PDE10A: variants seen among roughly 807,000 people sequenced by gnomAD.
The protein encoded by PDE10A is cAMP and cAMP-inhibited cGMP 3',5'-cyclic phosphodiesterase 10A.
In PDE10A, 39 loss-of-function variants were observed where a neutral mutation model predicts 97.7. The ratio of observed to expected loss-of-function variants is 0.40; its 90% confidence interval spans 0.31 to 0.52. PDE10A has a LOEUF of 0.52. PDE10A is among the 20% of genes least tolerant of loss of function. The probability of loss-of-function intolerance (pLI) is 0.56; values close to 1 mark genes in which losing one functional copy is unlikely to be tolerated. For synonymous variants in PDE10A, 371 were observed against 376.8 expected, an observed-to-expected ratio of 0.98 and a Z score of 0.18; for missense variants, 731 against 1,047.8, an observed-to-expected ratio of 0.70 and a Z score of 4.17.
At chr6:165,516,016 T>TA (rs904563887) in intron 2 of PDE10A, among the ~76,000 whole-genome samples, 1 of 152,116 alleles carries the variant, frequency 6.6e-6, no homozygotes, top group African/African-American at 2.4e-5. Context: ...AAATAAGAAA[T>TA]AAAAAATCTG....
At chr6:165,497,950 A>T (rs1780636033) in intron 2 of PDE10A, among the ~76,000 whole-genome samples, 1 of 152,204 alleles carries the variant, frequency 6.6e-6, no homozygotes, top group South Asian at 2.1e-4. Context: ...CATAGTTTAA[A>T]ATGGCTATTT....
intron 1 of PDE10A, among the ~76,000 whole-genome samples, chr6:165,967,513 T>C (rs1784547500): frequency 6.6e-6 from 1 of 152,176 alleles, no homozygotes; most frequent in Admixed American, 6.5e-5. Context: ...AAAAAATTTG[T>C]TTAACTGTCA....
chr6:165,466,819 A>G (rs1367502939), intron 3 of PDE10A, among the ~76,000 whole-genome samples: 1 of 152,174 alleles, frequency 6.6e-6, no homozygotes, highest in African/African-American at 2.4e-5. Context: ...AAAGAGTCAC[A>G]TGTGTTTCAC....
Position 165,663,111 on chromosome 6 carries a change from G to A in PDE10A, c.-300C>T, listed in dbSNP as rs1000630169. 6.6e-6 allele frequency among the ~76,000 whole-genome samples: 1 copy of A among 151,778 alleles called. No homozygotes were observed. The highest frequency in any genetic ancestry group is 2.4e-5 in the African/African-American group (1 of 41,382). On this transcript the variant is annotated 5_prime_UTR_variant, in exon 1 of 22. Coordinates refer to ENST00000539869, the MANE Select transcript of PDE10A (RefSeq NM_001385079.1). ...GCTAGGGACGGCGGAGACCCTCCCT[G>A]CAGGCGTGGCGTGGTGTGTGCGCGC...
chr6:165,482,181 G>A (rs1226602621), intron 3 of PDE10A, 134 bp downstream of exon 3: 7 of 727,488 alleles, frequency 9.6e-6, no homozygotes, highest in Non-Finnish European at 1.8e-5. Flanking sequence ...ATATTAATGA[G>A]TGATACTTTG....
At chr6:165,947,165 G>A (rs1384071259) in intron 1 of PDE10A, 2 of 152,090 alleles carry the variant, frequency 1.3e-5, no homozygotes, top group African/African-American at 4.8e-5. Context: ...GCGTGTCTGG[G>A]TATTTCCTCA....
chr6:165,872,964 C>G (rs1317617369), intron 1 of PDE10A, among the ~76,000 whole-genome samples: 1 of 152,198 alleles, frequency 6.6e-6, no homozygotes. Flanking sequence ...GGCTTCAGCT[C>G]TGAAGCAGAA....
chr6:165,737,000 G>A (rs551429957), intron 1 of PDE10A, among the ~76,000 whole-genome samples: 111 of 152,222 alleles, frequency 7.3e-4, no homozygotes, highest in Non-Finnish European at 1.3e-3. Context: ...ACAAAGGATC[G>A]TAAAAACTAC....
intron 1 of PDE10A, among the ~76,000 whole-genome samples, chr6:165,570,305 A>T (rs1219715740): frequency 6.6e-6 from 1 of 152,186 alleles, no homozygotes. Flanking sequence ...AAAACCATCA[A>T]TCTGATCTGA....
At chr6:165,541,216 C>T (rs538952547) in intron 2 of PDE10A, among the ~76,000 whole-genome samples, 1 of 152,114 alleles carries the variant, frequency 6.6e-6, no homozygotes, top group Non-Finnish European at 1.5e-5. Context: ...TATGTCTATT[C>T]CCACAACTAG....
intron 1 of PDE10A, among the ~76,000 whole-genome samples, chr6:165,654,547 T>A (rs965975000): frequency 6.9e-6 from 1 of 143,900 alleles, no homozygotes; most frequent in Non-Finnish European, 1.5e-5. Flanking sequence ...CAAAGCCATC[T>A]CACGTCCCCA....
chr6:165,465,699 C>G (rs925636156), intron 3 of PDE10A, among the ~76,000 whole-genome samples: 9 of 152,050 alleles, frequency 5.9e-5, no homozygotes, highest in Admixed American at 5.2e-4. Flanking sequence ...GGGGGAAGCC[C>G]CTTATAAAGC....
intron 2 of PDE10A, among the ~76,000 whole-genome samples, chr6:165,517,604 C>G (rs902283820): frequency 6.6e-6 from 1 of 152,134 alleles, no homozygotes; most frequent in Non-Finnish European, 1.5e-5. Flanking sequence ...TTGGTACAGA[C>G]AGCAACTCGG....
At chr6:165,370,278 A>G (rs1403978972) in intron 18 of PDE10A, among the ~76,000 whole-genome samples, 1 of 149,626 alleles carries the variant, frequency 6.7e-6, no homozygotes, top group East Asian at 2.0e-4. Context: ...AAAGACACAG[A>G]CTGGCAAATT....
chr6:165,771,922 G>A (rs927934338), intron 1 of PDE10A, among the ~76,000 whole-genome samples: 1 of 152,204 alleles, frequency 6.6e-6, no homozygotes, highest in Non-Finnish European at 1.5e-5. Context: ...GAGAGACCGG[G>A]GCACCAGAAG....
intron 12 of PDE10A, 134 bp downstream of exon 12, chr6:165,416,055 T>C: frequency 1.5e-6 from 1 of 664,514 alleles, no homozygotes; most frequent in South Asian, 1.8e-5. Context: ...ATAGCAGAGT[T>C]GGTTCAGAGA....
rs1779506481 is a variant in PDE10A, at chr6:165,819,418, T to C, written c.-615+168111A>G. Among the ~76,000 whole-genome samples, 2 of 152,120 alleles carry C rather than the reference T, an allele frequency of 1.3e-5. 1 individual carries two copies. The highest frequency in any genetic ancestry group is 4.8e-5 in the African/African-American group (2 of 41,440). ...TTGCCGACCCCACCTCCTGCACTGTTCCATTTCATGCAATCCGTCCTCCAG... is the reference window on the plus strand; with the variant it reads ...TTGCCGACCCCACCTCCTGCACTGTCCCATTTCATGCAATCCGTCCTCCAG... On this transcript the variant is annotated intron_variant, in intron 1 of 19. Transcript: ENST00000366882. The surrounding 1 kb of genome is among the most constrained non-coding windows in gnomAD (Gnocchi z 4.2).
At chr6:165,646,140 A>C (rs1789386630) in intron 1 of PDE10A, among the ~76,000 whole-genome samples, 1 of 152,214 alleles carries the variant, frequency 6.6e-6, no homozygotes, top group Admixed American at 6.5e-5. Flanking sequence ...CAAAGGCCTC[A>C]CTGCAGCTCT....
At chr6:165,660,702 G>A (rs910343938) in intron 1 of PDE10A, 6 of 152,734 alleles carry the variant, frequency 3.9e-5, no homozygotes, top group Non-Finnish European at 8.8e-5. Context: ...GCAGTTGGGA[G>A]CGGGAAACCG....
Sources: gnomAD v4.1 joint callset for allele counts (sites outside exome capture counted in the v4.1 genomes callset) on GRCh38, gnomAD v4.1.1 for gene constraint, Gnocchi (gnomAD v3.1) non-coding constraint, MANE v1.5 for transcripts, NCBI Gene and HGNC (gene_info 2026-07-23, HGNC 2026-07-21) for gene names.